The following ARPC1B variants were observed in gnomAD, a reference collection of about 807,000 sequenced individuals.
ARPC1B encodes actin related protein 2/3 complex subunit 1B, also known as actin-related protein 2/3 complex subunit 1B.
In ARPC1B, 29 loss-of-function variants were observed where a neutral mutation model predicts 46.0. That is an observed-to-expected ratio of 0.63 (90% CI 0.47 to 0.86). The LOEUF (loss-of-function observed/expected upper bound fraction) is 0.86. Ranked by LOEUF, ARPC1B falls within the 40% of genes least tolerant of loss-of-function variation. The probability of loss-of-function intolerance (pLI) is 0.00; values close to 1 mark genes in which losing one functional copy is unlikely to be tolerated. For missense variants in ARPC1B, 469 were observed against 529.4 expected, an observed-to-expected ratio of 0.89 and a Z score of 1.12; for synonymous variants, 201 against 213.9, an observed-to-expected ratio of 0.94 and a Z score of 0.53.
intron 1 of ARPC1B, among the ~76,000 whole-genome samples, chr7:99,379,006 T>C (rs1238070868): frequency 6.6e-6 from 1 of 152,042 alleles, no homozygotes; most frequent in Non-Finnish European, 1.5e-5. Context: ...CTCGATCTCC[T>C]GACCTCGTGA....
At chr7:99,390,098 C>A in intron 5 of ARPC1B, 86 bp downstream of exon 5, 2 of 1,234,000 alleles carry the variant, frequency 1.6e-6, no homozygotes, top group Non-Finnish European at 2.3e-6. Flanking sequence ...GAAAGCTCTA[C>A]ACCCCAGCTT....
intron 8 of ARPC1B, 39 bp downstream of exon 8, chr7:99,392,915 C>T (rs1432424871): frequency 3.3e-6 from 5 of 1,503,688 alleles, no homozygotes; most frequent in Non-Finnish European, 2.7e-6. Flanking sequence ...GGCGGGGCCT[C>T]GGCTCGCCCA....
intron 4 of ARPC1B, chr7:99,389,660 G>A: frequency 2.1e-6 from 1 of 476,484 alleles, no homozygotes; most frequent in Non-Finnish European, 3.8e-6. Context: ...TGCTGAGCCT[G>A]CTCTGAGGGT....
At chr7:99,394,349 T>C (rs900837613) in intron 9 of ARPC1B, 102 bp from the exon 10 acceptor site, 6 of 1,170,032 alleles carry the variant, frequency 5.1e-6, no homozygotes, top group Admixed American at 1.7e-5. Flanking sequence ...GCAGGTTCTC[T>C]GCCCTCTGCT....
intron 1 of ARPC1B, among the ~76,000 whole-genome samples, chr7:99,379,724 G>A (rs1007178483): frequency 6.6e-6 from 1 of 151,974 alleles, no homozygotes; most frequent in Non-Finnish European, 1.5e-5. Context: ...CAAGGCCCAG[G>A]ACTTTAGAGT....
chr7:99,383,754 C>T lies in ARPC1B; in HGVS notation c.-13-1948C>T, dbSNP rs1159851409. ...CTAGGGAACAGCCAGCACGGAAGCC[C>T]GAGGCAGGTGCATGCCTGTGTGCCC... On this transcript the variant is annotated intron_variant, in intron 1 of 9. Coordinates refer to ENST00000646101, the MANE Select transcript of ARPC1B (RefSeq NM_005720.4). Among the ~76,000 whole-genome samples, 6 of 152,134 alleles carry T rather than the reference C, an allele frequency of 3.9e-5. No homozygotes were observed. In the East Asian group the frequency reaches 9.6e-4, roughly 24 times the overall value.
At chr7:99,388,319 G>A in intron 4 of ARPC1B, 58 bp downstream of exon 4, 4 of 1,555,298 alleles carry the variant, frequency 2.6e-6, no homozygotes, top group Non-Finnish European at 3.5e-6. Context: ...GGACTAGAGT[G>A]TCCCCGGGAA....
chr7:99,375,933 G>C (rs1039477223), intron 1 of ARPC1B, among the ~76,000 whole-genome samples: 1 of 141,608 alleles, frequency 7.1e-6, no homozygotes, highest in South Asian at 2.3e-4. Context: ...ATGGTGGCAC[G>C]CACCTGTAAT....
chr7:99,382,650 T>C (rs900715583), intron 1 of ARPC1B, among the ~76,000 whole-genome samples: 1 of 151,952 alleles, frequency 6.6e-6, no homozygotes, highest in African/African-American at 2.4e-5. Flanking sequence ...TTATTTAAAT[T>C]TTTTGTAGAG....
Position 99,385,308 on chromosome 7 carries a change from G to T in ARPC1B, c.-13-394G>T, listed in dbSNP as rs778945897. Among the ~76,000 whole-genome samples, 3 of 101,734 alleles carry T rather than the reference G, an allele frequency of 2.9e-5. 1 individual carries two copies. Among genetic ancestry groups the T allele is most frequent in the East Asian group, 4.0e-4 (2 of 4,992 alleles). The allele number at this position is 101,734 out of a possible 152,430, so 66.7% of individuals were successfully genotyped here. A position where few individuals can be genotyped will look rare whatever the true frequency, so the allele number is the denominator to read the frequency against. ...TAATGGGGCAGGGGAAGTTGGGTGGGGGGGGGGGGGTCGTCCATCCTATGA... is the reference window on the plus strand; with the variant it reads ...TAATGGGGCAGGGGAAGTTGGGTGGTGGGGGGGGGGTCGTCCATCCTATGA... On this transcript the variant is annotated intron_variant, in intron 1 of 9. Coordinates refer to ENST00000646101, the MANE Select transcript of ARPC1B (RefSeq NM_005720.4).
intron 9 of ARPC1B, 121 bp from the exon 10 acceptor site, chr7:99,394,328 ACT>A: frequency 9.2e-7 from 1 of 1,091,494 alleles, no homozygotes; most frequent in South Asian, 1.3e-5. Flanking sequence ...CAGCTGACAG[ACT>A]CCAAAACTGC....
At chr7:99,385,052 G>A (rs902719201) in intron 1 of ARPC1B, among the ~76,000 whole-genome samples, 1 of 133,550 alleles carries the variant, frequency 7.5e-6, no homozygotes, top group East Asian at 2.4e-4. Flanking sequence ...TGCAAGCCCC[G>A]CCTCCCAAGT....
At position 99,392,694 on chromosome 7, in the gene ARPC1B, G is replaced by A. The variant is rs1008430745; in HGVS notation, c.807G>A (p.Leu269=). Residue 269 remains leucine, a synonymous_variant, in exon 8 of 10, where the codon CTG becomes CTA. Transcript: ENST00000646101. ...VAAGHDCFPV[L]FTYDAAAGML... ...AGGGCCACGACTGCTTCCCGGTGCT[G>A]TTCACCTATGACGCCGCCGCGGGGA... 8 of 1,541,850 alleles carry A rather than the reference G, an allele frequency of 5.2e-6. 1 individual carries two copies. The South Asian group carries it at 9.6e-5, about 18-fold the overall frequency.
intron 4 of ARPC1B, 134 bp from the exon 5 acceptor site, chr7:99,389,771 A>G: frequency 6.5e-6 from 5 of 764,752 alleles, no homozygotes; most frequent in Non-Finnish European, 8.8e-6. Flanking sequence ...GTGGGCTGGC[A>G]ATGCCCAGTC....
chr7:99,376,615 A>G (rs1255936055), intron 1 of ARPC1B: 3 of 152,378 alleles, frequency 2.0e-5, no homozygotes, highest in Non-Finnish European at 4.4e-5. Flanking sequence ...TCACGCCTGT[A>G]ATTCCAGCAC....
At chr7:99,390,679 C>A (rs1028710799) in intron 5 of ARPC1B, among the ~76,000 whole-genome samples, 1 of 151,948 alleles carries the variant, frequency 6.6e-6, no homozygotes, top group Non-Finnish European at 1.5e-5. Flanking sequence ...CATGCCCAGG[C>A]ACCTGTTAAC....
intron 1 of ARPC1B, among the ~76,000 whole-genome samples, chr7:99,382,565 G>C (rs1465102779): frequency 6.6e-6 from 1 of 151,962 alleles, no homozygotes; most frequent in Non-Finnish European, 1.5e-5. Context: ...AAACTCCTAG[G>C]CTAAGCAATC....
In ARPC1B at chr7:99,381,643, TC is replaced by T. The variant is rs944891136; in HGVS notation, c.-13-4057del. Reference sequence around the variant, plus strand: ...GTGTCCTGTGCTGCTCCAGGAATCTTCCAGGACATCCTGATACAAGTGAAAG... The same window carrying T: ...GTGTCCTGTGCTGCTCCAGGAATCTTCAGGACATCCTGATACAAGTGAAAG... On this transcript the variant is annotated intron_variant, in intron 1 of 9. Transcript: ENST00000646101. Among the ~76,000 whole-genome samples the T allele has an allele frequency of 6.9e-4, 105 of 152,310 alleles. 1 individual carries two copies. Among genetic ancestry groups the T allele is most frequent in the African/African-American group, 2.4e-3 (99 of 41,556 alleles).
At chr7:99,382,755 T>C (rs575682720) in intron 1 of ARPC1B, among the ~76,000 whole-genome samples, 2 of 151,990 alleles carry the variant, frequency 1.3e-5, no homozygotes, top group Non-Finnish European at 2.9e-5. Flanking sequence ...GTTACAGGCA[T>C]GAGCCACTGC....
Sources: gnomAD v4.1 joint callset for allele counts (sites outside exome capture counted in the v4.1 genomes callset) on GRCh38, gnomAD v4.1.1 for gene constraint, MANE v1.5 for transcripts, NCBI Gene and HGNC (gene_info 2026-07-23, HGNC 2026-07-21) for gene names.